Variants in XPO7 observed in about 807,000 individuals in gnomAD.
XPO7 encodes the protein exportin-7.
In XPO7, 21 loss-of-function variants were observed where a neutral mutation model predicts 144.3. The ratio of observed to expected loss-of-function variants is 0.15; its 90% confidence interval spans 0.10 to 0.21. The LOEUF (loss-of-function observed/expected upper bound fraction) is 0.21. Ranked by LOEUF, XPO7 falls within the 10% of genes least tolerant of loss-of-function variation. XPO7 has a pLI of 1.00. For missense variants in XPO7, 808 were observed against 1,325.8 expected (o/e 0.61, Z 6.06); for synonymous variants, 580 against 499.6 (o/e 1.16, Z -2.15).
At chr8:21,923,672 A>T (rs1405339135) in intron 1 of XPO7, among the ~76,000 whole-genome samples, 1 of 152,228 alleles carries the variant, frequency 6.6e-6, no homozygotes, top group Non-Finnish European at 1.5e-5. Flanking sequence ...AGATGAAGGT[A>T]TAGAAAGAAG....
At chr8:21,997,919 T>A (rs1483911313) in intron 21 of XPO7, among the ~76,000 whole-genome samples, 1 of 152,168 alleles carries the variant, frequency 6.6e-6, no homozygotes, top group African/African-American at 2.4e-5. Flanking sequence ...CTCATCAAAA[T>A]GTGGAGCAGA....
intron 1 of XPO7, among the ~76,000 whole-genome samples, chr8:21,961,156 A>G (rs979398387): frequency 1.3e-5 from 2 of 150,588 alleles, no homozygotes; most frequent in Non-Finnish European, 2.9e-5. Flanking sequence ...CTTAGTACGC[A>G]TCTCCATTGA....
chr8:21,982,861 C>A, intron 11 of XPO7, 49 bp downstream of exon 11: 2 of 1,539,916 alleles, frequency 1.3e-6, no homozygotes, highest in Non-Finnish European at 1.7e-6. Flanking sequence ...CCTGTTGTCA[C>A]ACTTCCTAGA....
chr8:21,924,897 C>G lies in XPO7; in HGVS notation c.18+5109C>G, dbSNP rs146918740. Among the ~76,000 whole-genome samples the G allele has an allele frequency of 6.0e-4, 92 of 152,298 alleles. No individual in the cohort carries two copies. The East Asian group carries it at 0.012, about 20-fold the overall frequency. On this transcript the variant is annotated intron_variant, in intron 1 of 27. Transcript: ENST00000252512. ...TCTTGAGGATGATTAATGGTGACCA[C>G]TTAAGCATCTACTAATATCCCATTT...
chr8:21,990,432 T>G (rs767351929), intron 17 of XPO7, 25 bp downstream of exon 17: 1 of 1,612,796 alleles, frequency 6.2e-7, no homozygotes, highest in Non-Finnish European at 8.5e-7. Flanking sequence ...CTTTTTTTCC[T>G]GGCCCTCCTA....
chr8:21,987,567 G>A (rs1405297312), intron 14 of XPO7, among the ~76,000 whole-genome samples: 1 of 152,178 alleles, frequency 6.6e-6, no homozygotes, highest in Non-Finnish European at 1.5e-5. Context: ...GAAGATTTGG[G>A]CTGTCTTTTT....
chr8:21,957,507 A>C (rs143340401), intron 1 of XPO7, among the ~76,000 whole-genome samples: 2 of 152,176 alleles, frequency 1.3e-5, no homozygotes, highest in Non-Finnish European at 2.9e-5. Flanking sequence ...TCCCAAAATT[A>C]TGTTGCTGTT....
At chr8:21,925,739 T>C (rs1810438495) in intron 1 of XPO7, among the ~76,000 whole-genome samples, 1 of 152,240 alleles carries the variant, frequency 6.6e-6, no homozygotes, top group African/African-American at 2.4e-5. Flanking sequence ...TCAAGCATTC[T>C]GGATGGGATT....
intron 1 of XPO7, among the ~76,000 whole-genome samples, chr8:21,944,771 G>A (rs1446349885): frequency 2.0e-5 from 3 of 152,036 alleles, no homozygotes; most frequent in Non-Finnish European, 4.4e-5. Context: ...CGCATTGTTT[G>A]TGTCTCCGGG....
intron 21 of XPO7, 52 bp from the exon 22 acceptor site, chr8:21,998,703 G>T: frequency 6.5e-7 from 1 of 1,538,866 alleles, no homozygotes; most frequent in Non-Finnish European, 9.0e-7. Context: ...AAGTACCCCA[G>T]TCTTCCAAGA....
rs529756794 is a variant in XPO7, at chr8:21,990,750, G to A, written c.1933-61G>A. The stretch of plus-strand genomic sequence containing the variant: ...AGGGCTCAGTAATTCTCTGATTACT[G>A]GCTTGCATTCTGCCTCTAACTCATG... On this transcript the variant is annotated intron_variant, in intron 17 of 27. Transcript: ENST00000252512. 53 of 1,502,160 alleles carry A rather than the reference G, an allele frequency of 3.5e-5. No individual in the cohort carries two copies. In the African/African-American group the frequency reaches 4.7e-4, roughly 13 times the overall value. 93.1% of individuals were successfully genotyped at this position (1,502,160 alleles called of 1,614,324 possible).
rs1470971253 is a variant in XPO7 at position 21,971,879 on chromosome 8, A to T, written c.430A>T (p.Ser144Cys). 4 of 1,612,246 alleles carry T rather than the reference A, an allele frequency of 2.5e-6. No individual in the cohort carries two copies. Among genetic ancestry groups the T allele is most frequent in the Non-Finnish European group, 3.4e-6 (4 of 1,179,046 alleles). Reference protein sequence around the residue: ...ITDVTRFLQDSVEYCIIGVTI... With the variant: ...ITDVTRFLQDCVEYCIIGVTI... ...ACCTTATACTTTTTTTAACCAGGAT[A>T]GTGTTGAATACTGCATCATTGGTGT... The change falls in exon 5 of 28, where the codon AGT (serine) becomes TGT (cysteine). Residue 144 changes from serine to cysteine, a missense_variant. Physicochemically the swap from Ser to Cys is moderately radical, Grantham distance 112. Coordinates refer to ENST00000252512, the MANE Select transcript of XPO7 (RefSeq NM_015024.5).
chr8:22,000,673 T>C (rs1037509666), intron 24 of XPO7, among the ~76,000 whole-genome samples: 4 of 152,134 alleles, frequency 2.6e-5, no homozygotes, highest in Non-Finnish European at 5.9e-5. Flanking sequence ...CAGGATAGTC[T>C]CAATCTCCTG....
intron 1 of XPO7, among the ~76,000 whole-genome samples, chr8:21,922,539 CCCTT>C (rs753261534): frequency 7.2e-5 from 11 of 152,008 alleles, no homozygotes; most frequent in Non-Finnish European, 4.4e-5. Context: ...TGTTTAGTTG[CCCTT>C]CCTTTCATGT....
At chr8:21,941,762 A>C (rs1334148001) in intron 1 of XPO7, among the ~76,000 whole-genome samples, 1 of 152,106 alleles carries the variant, frequency 6.6e-6, no homozygotes, top group Non-Finnish European at 1.5e-5. Context: ...CACAGACTCT[A>C]TTTTCTAGGC....
chr8:21,936,936 C>T (rs952736413), intron 1 of XPO7, among the ~76,000 whole-genome samples: 4 of 152,086 alleles, frequency 2.6e-5, no homozygotes, highest in South Asian at 2.1e-4. Flanking sequence ...GTTAACTAGG[C>T]GACGCAGTAC....
chr8:21,969,960 A>G, intron 3 of XPO7, 184 bp from the exon 4 acceptor site: 1 of 677,330 alleles, frequency 1.5e-6, no homozygotes, highest in Non-Finnish European at 2.4e-6. Context: ...CTGAATTAGA[A>G]CACCTACTAA....
chr8:21,964,555 G>T (rs1005665570), intron 1 of XPO7, among the ~76,000 whole-genome samples: 1 of 151,946 alleles, frequency 6.6e-6, no homozygotes, highest in Non-Finnish European at 1.5e-5. Flanking sequence ...CTGTTTTTCA[G>T]ATGTTTCCAC....
rs779773879 is a variant in XPO7 at position 21,999,252 on chromosome 8, G to T, written c.2590G>T (p.Ala864Ser). 2 of 1,613,610 alleles carry T rather than the reference G, an allele frequency of 1.2e-6. No individual in the cohort carries two copies. The highest frequency in any genetic ancestry group is 1.1e-5 in the South Asian group (1 of 91,044). ...RLYGDDALDNALQTFIKLLLS... is the reference protein window; with the variant it reads ...RLYGDDALDNSLQTFIKLLLS... ...CTATGGAGACGATGCCCTGGACAAT[G>T]CTCTGCAGACCTTCATCAAGCTGCT... Residue 864 changes from alanine to serine, a missense_variant, in exon 23 of 28, where the codon GCT (alanine) becomes TCT (serine). By Grantham distance (99) the Ala-to-Ser change is moderately conservative. This residue lies in a region of XPO7 where 416 missense variants were observed against 612.5 expected (regional missense o/e 0.68). Transcript: ENST00000252512.
Sources: allele counts gnomAD v4.1 joint callset (sites outside exome capture counted in the v4.1 genomes callset), GRCh38; gene constraint gnomAD v4.1.1; regional missense constraint gnomAD v4.1.1; transcripts MANE v1.5; gene names NCBI Gene and HGNC (gene_info 2026-07-23, HGNC 2026-07-21).